The following VSTM4 variants were observed in gnomAD, a reference collection of about 807,000 sequenced individuals.
VSTM4 encodes the protein V-set and transmembrane domain containing 4.
A neutral mutation model predicts 36.4 loss-of-function variants in VSTM4; 20 were observed. That is an observed-to-expected ratio of 0.55 (90% confidence interval 0.39 to 0.80). The LOEUF is 0.80. VSTM4 is among the 30% of genes least tolerant of loss of function. The probability of loss-of-function intolerance (pLI) is 0.00; values close to 1 mark genes in which losing one functional copy is unlikely to be tolerated. For missense variants in VSTM4, 392 were observed against 404.5 expected, an observed-to-expected ratio of 0.97 and a Z score of 0.26; for synonymous variants, 182 against 173.9, an observed-to-expected ratio of 1.05 and a Z score of -0.37.
At chr10:49,092,584 T>C (rs922826121) in intron 2 of VSTM4, among the ~76,000 whole-genome samples, 8 of 151,854 alleles carry the variant, frequency 5.3e-5, no homozygotes, top group Non-Finnish European at 4.4e-5. Flanking sequence ...CTTTGAACAA[T>C]ATGGAAAGGG....
intron 2 of VSTM4, among the ~76,000 whole-genome samples, chr10:49,098,111 C>T (rs1844605516): frequency 6.6e-6 from 1 of 152,170 alleles, no homozygotes. Context: ...CTGTTGAAAT[C>T]ATCCCAACCC....
At chr10:49,057,401 G>GA (rs1236141467) in intron 5 of VSTM4, among the ~76,000 whole-genome samples, 2 of 152,158 alleles carry the variant, frequency 1.3e-5, no homozygotes, top group Non-Finnish European at 2.9e-5. Context: ...TTCTCTCATT[G>GA]AATTCCTATG....
chr10:49,063,106 A>C (rs922306890), intron 5 of VSTM4, among the ~76,000 whole-genome samples: 2 of 151,480 alleles, frequency 1.3e-5, no homozygotes, highest in Non-Finnish European at 2.9e-5. Context: ...TTGGAGGATG[A>C]GGTGGGTGGA....
rs544258652 is a variant in VSTM4 at position 49,017,624 on chromosome 10, T to C, written c.*2026A>G. The C allele has an allele frequency of 6.6e-6, 1 of 152,336 alleles. No homozygotes were observed. The highest frequency in any genetic ancestry group is 1.9e-4 in the East Asian group (1 of 5,182). 9.4% of individuals were successfully genotyped at this position (152,336 alleles called of 1,614,324 possible). ...TGGGTTTGGGGGTGAATGAAGTTCA[T>C]TTCCGTTCTGTAGAGGCCTAAGGGG... is the stretch of plus-strand genomic sequence containing the variant. On this transcript the variant is annotated 3_prime_UTR_variant, in exon 8 of 8. Coordinates refer to ENST00000332853, the MANE Select transcript of VSTM4 (RefSeq NM_001031746.5).
chr10:49,086,045 G>A (rs1330616907), intron 2 of VSTM4, 22 bp from the exon 3 acceptor site: 4 of 1,524,780 alleles, frequency 2.6e-6, no homozygotes, highest in Non-Finnish European at 3.6e-6. Context: ...AAAAGAAACA[G>A]CACAGTATGA....
At chr10:49,057,004 G>T (rs1383772920) in intron 5 of VSTM4, among the ~76,000 whole-genome samples, 1 of 151,942 alleles carries the variant, frequency 6.6e-6, no homozygotes, top group Non-Finnish European at 1.5e-5. Context: ...TCCGGCGAGA[G>T]GGGGGCAAGA....
intron 2 of VSTM4, among the ~76,000 whole-genome samples, chr10:49,086,381 A>T (rs186518741): frequency 6.6e-6 from 1 of 152,234 alleles, no homozygotes; most frequent in Non-Finnish European, 1.5e-5. Flanking sequence ...AATGTAGTGT[A>T]CTTGTCCCAG....
chr10:49,022,867 T>C (rs892210979), intron 7 of VSTM4, among the ~76,000 whole-genome samples: 3 of 151,846 alleles, frequency 2.0e-5, no homozygotes, highest in Admixed American at 6.6e-5. Flanking sequence ...TATTCTTAAG[T>C]TATTCCATTA....
intron 5 of VSTM4, among the ~76,000 whole-genome samples, chr10:49,059,821 C>T (rs1460923442): frequency 6.6e-6 from 1 of 152,168 alleles, no homozygotes; most frequent in East Asian, 1.9e-4. Flanking sequence ...AGTTTTAAAA[C>T]ATTTCTATCA....
chr10:49,076,060 C>T (rs1844172268), intron 4 of VSTM4, among the ~76,000 whole-genome samples: 1 of 152,190 alleles, frequency 6.6e-6, no homozygotes, highest in African/African-American at 2.4e-5. Context: ...AGGATGGAAA[C>T]AGCATCCCAT....
chr10:49,075,377 G>A (rs1028590953), intron 4 of VSTM4, among the ~76,000 whole-genome samples: 3 of 152,244 alleles, frequency 2.0e-5, no homozygotes, highest in African/African-American at 7.2e-5. Flanking sequence ...CCAACAGTTG[G>A]GTGTAAGGCA....
At chr10:49,096,559 C>T (rs564967475) in intron 2 of VSTM4, among the ~76,000 whole-genome samples, 4 of 151,616 alleles carry the variant, frequency 2.6e-5, no homozygotes, top group South Asian at 4.2e-4. Context: ...TATTTTGGCT[C>T]AGAAGGTTAG....
intron 5 of VSTM4, among the ~76,000 whole-genome samples, chr10:49,055,497 C>A (rs924691007): frequency 2.0e-5 from 3 of 152,186 alleles, no homozygotes; most frequent in African/African-American, 7.2e-5. Context: ...GGTGGCAATT[C>A]GTTGCCATCT....
intron 2 of VSTM4, 59 bp from the exon 3 acceptor site, chr10:49,086,082 G>A (rs1844366326): frequency 1.8e-6 from 2 of 1,110,446 alleles, no homozygotes; most frequent in Non-Finnish European, 2.6e-6. Context: ...GGTACACATG[G>A]CACTTACATT....
intron 2 of VSTM4, among the ~76,000 whole-genome samples, chr10:49,089,845 G>C (rs896324666): frequency 3.8e-4 from 58 of 152,246 alleles, no homozygotes; most frequent in African/African-American, 1.2e-3. Flanking sequence ...CAAGCCAGGG[G>C]TCTGAGTCCA....
chr10:49,021,290 T>C (rs1013519589), intron 7 of VSTM4, among the ~76,000 whole-genome samples: 75 of 152,160 alleles, frequency 4.9e-4, no homozygotes, highest in African/African-American at 1.7e-3. Context: ...AATAAACCTA[T>C]AAAAGTACTA....
intron 1 of VSTM4, among the ~76,000 whole-genome samples, chr10:49,115,120 G>C (rs1166169888): frequency 6.6e-6 from 1 of 152,196 alleles, no homozygotes; most frequent in Non-Finnish European, 1.5e-5. Flanking sequence ...CTTGGGCTGC[G>C]CTCCTGCTGC....
In VSTM4 at chr10:49,048,025, G is replaced by A. The variant is rs116969527; in HGVS notation, c.775+453C>T. Among the ~76,000 whole-genome samples the A allele has an allele frequency of 0.011, 1,603 of 152,224 alleles. 60 individuals carry two copies. In the South Asian group the frequency reaches 0.12, roughly 12 times the overall value. ...TCATAACTGGAATCACAGGATAGCC[G>A]TCATTTTATACCCAGAGCAACTGTG... On this transcript the variant is annotated intron_variant, in intron 6 of 7. Transcript: ENST00000332853.
intron 7 of VSTM4, among the ~76,000 whole-genome samples, chr10:49,021,300 A>G (rs1245915770): frequency 6.6e-6 from 1 of 152,178 alleles, no homozygotes; most frequent in Admixed American, 6.5e-5. Context: ...TAAAAGTACT[A>G]CAAAATAGGT....
Sources: allele counts gnomAD v4.1 joint callset (sites outside exome capture counted in the v4.1 genomes callset), GRCh38; gene constraint gnomAD v4.1.1; transcripts MANE v1.5; gene names NCBI Gene and HGNC (gene_info 2026-07-23, HGNC 2026-07-21).